Variants in CPA6 observed in about 807,000 individuals in gnomAD.
CPA6 encodes carboxypeptidase B.
A neutral mutation model predicts 63.3 loss-of-function variants in CPA6; 58 were observed. That is an observed-to-expected ratio of 0.92 (90% CI 0.74 to 1.14). The LOEUF is 1.14. CPA6 is among the 50% of genes most tolerant of loss of function. The pLI, the probability that CPA6 is intolerant of heterozygous loss-of-function variation, is 0.00. For missense variants in CPA6, 565 were observed against 526.6 expected (o/e 1.07, Z -0.71); for synonymous variants, 185 against 179.0 (o/e 1.03, Z -0.27).
chr8:67,570,148 T>G (rs561558361), intron 2 of CPA6: 1 of 152,414 alleles, frequency 6.6e-6, no homozygotes, highest in East Asian at 1.9e-4. Context: ...GAATTGAAAT[T>G]TGTACTCTTT....
At chr8:67,604,733 T>C (rs945387057) in intron 2 of CPA6, among the ~76,000 whole-genome samples, 8 of 152,176 alleles carry the variant, frequency 5.3e-5, no homozygotes, top group African/African-American at 1.7e-4. Context: ...ATAGGACACG[T>C]GGAGATTAGA....
At chr8:67,574,782 G>GA (rs969074207) in intron 2 of CPA6, among the ~76,000 whole-genome samples, 2 of 148,578 alleles carry the variant, frequency 1.3e-5, no homozygotes, top group South Asian at 2.1e-4. Flanking sequence ...AAAACCACTG[G>GA]AAAAAAACAT....
In CPA6 at chr8:67,746,234, G is replaced by A. The variant is rs1007724929; in HGVS notation, c.-105C>T. The A allele has an allele frequency of 1.4e-5, 10 of 705,532 alleles. No homozygotes were observed. The highest frequency in any genetic ancestry group is 2.3e-5 in the Non-Finnish European group (10 of 435,946). The allele number at this position is 705,532 out of a possible 1,614,324, so 43.7% of individuals were successfully genotyped here. Reference sequence around the variant, plus strand: ...CGCACAGGTTCTCCGGGAAGGGGGTGGGCGAGGAAGGTTGAGAGTGAGCAA... The same window carrying A: ...CGCACAGGTTCTCCGGGAAGGGGGTAGGCGAGGAAGGTTGAGAGTGAGCAA... On this transcript the variant is annotated 5_prime_UTR_variant, in exon 1 of 11. Coordinates refer to ENST00000297770, the MANE Select transcript of CPA6 (RefSeq NM_020361.5).
chr8:67,562,523 CA>C (rs150272836), intron 2 of CPA6, among the ~76,000 whole-genome samples: 2,175 of 152,292 alleles, frequency 0.014, 49 homozygotes, highest in African/African-American at 0.048. Flanking sequence ...GTTCTACGTA[CA>C]GTTGGTACTA....
At chr8:67,434,521 T>C (rs922886263) in intron 8 of CPA6, among the ~76,000 whole-genome samples, 1 of 152,242 alleles carries the variant, frequency 6.6e-6, no homozygotes, top group Non-Finnish European at 1.5e-5. Flanking sequence ...CTGTCACTTC[T>C]AGCTGCACCT....
chr8:67,713,991 C>T (rs147699659), intron 1 of CPA6, among the ~76,000 whole-genome samples: 81 of 152,110 alleles, frequency 5.3e-4, no homozygotes, highest in Non-Finnish European at 6.9e-4. Context: ...TCTGGTTTTA[C>T]GTAAACTCCA....
At chr8:67,477,296 A>C (rs1479848322) in intron 8 of CPA6, among the ~76,000 whole-genome samples, 4 of 151,026 alleles carry the variant, frequency 2.6e-5, no homozygotes, top group African/African-American at 9.7e-5. Flanking sequence ...TCTCAAAAAA[A>C]AAAAAAAAAA....
intron 1 of CPA6, among the ~76,000 whole-genome samples, chr8:67,669,053 G>A (rs4737848): frequency 6.6e-6 from 1 of 152,192 alleles, no homozygotes; most frequent in East Asian, 1.9e-4. Context: ...AGAATCACTC[G>A]CGGGTCAATG....
intron 1 of CPA6, among the ~76,000 whole-genome samples, chr8:67,659,592 G>C (rs1177150917): frequency 1.3e-5 from 2 of 152,104 alleles, no homozygotes; most frequent in Non-Finnish European, 2.9e-5. Flanking sequence ...CTGGCGCTTG[G>C]ATTATTATTG....
At chr8:67,438,781 G>A (rs1265601130) in intron 8 of CPA6, among the ~76,000 whole-genome samples, 5 of 151,746 alleles carry the variant, frequency 3.3e-5, no homozygotes, top group African/African-American at 9.7e-5. Context: ...TAAAGAGGGA[G>A]GTGGGCAGGG....
At chr8:67,614,827 T>TA (rs906062349) in intron 2 of CPA6, among the ~76,000 whole-genome samples, 2 of 152,154 alleles carry the variant, frequency 1.3e-5, no homozygotes, top group African/African-American at 2.4e-5. Context: ...GGCCACTGAA[T>TA]AAAAACCTGG....
At chr8:67,624,402 T>C (rs2128987007) in intron 1 of CPA6, 151 bp from the exon 2 acceptor site, 1 of 514,638 alleles carries the variant, frequency 1.9e-6, no homozygotes, top group East Asian at 3.1e-5. Flanking sequence ...TCCAATTTAT[T>C]CTCTGATTGC....
chr8:67,629,615 T>C (rs6998443), intron 1 of CPA6, among the ~76,000 whole-genome samples: 55,693 of 152,034 alleles, frequency 0.37, 11,688 homozygotes, highest in African/African-American at 0.59. Flanking sequence ...GAATCTGTGA[T>C]GGATAGCGGT....
chr8:67,452,775 T>A (rs1264298707), intron 8 of CPA6: 1 of 152,170 alleles, frequency 6.6e-6, no homozygotes, highest in Non-Finnish European at 1.5e-5. Flanking sequence ...TGGGTTGCAA[T>A]GATAGAGATG....
intron 2 of CPA6, among the ~76,000 whole-genome samples, chr8:67,599,437 G>C (rs1814435275): frequency 1.3e-5 from 2 of 151,986 alleles, no homozygotes; most frequent in Admixed American, 6.6e-5. Context: ...TCCTCCCTGG[G>C]GTTGCCTTCC....
chr8:67,606,618 G>T (rs962990442), intron 2 of CPA6, among the ~76,000 whole-genome samples: 3 of 152,198 alleles, frequency 2.0e-5, no homozygotes, highest in African/African-American at 7.2e-5. Context: ...GGAATGCAGA[G>T]GTGTGCGATC....
rs151253703 is a variant in CPA6, at chr8:67,536,394, C to T, written c.193-18347G>A. Among the ~76,000 whole-genome samples, 317 of 152,218 alleles carry T rather than the reference C, an allele frequency of 2.1e-3. 5 individuals carry two copies. The East Asian group carries it at 0.043, about 21-fold the overall frequency. On this transcript the variant is annotated intron_variant, in intron 2 of 10. Transcript: ENST00000297770. Reference sequence around the variant, plus strand: ...CCTTGAGCATTGGTTTGCAGTTCTCCTTGAAGAGGTCCTTCACATCCCTTG... The same window carrying T: ...CCTTGAGCATTGGTTTGCAGTTCTCTTTGAAGAGGTCCTTCACATCCCTTG...
chr8:67,555,746 T>C (rs760268994), intron 2 of CPA6, among the ~76,000 whole-genome samples: 1 of 152,184 alleles, frequency 6.6e-6, no homozygotes, highest in East Asian at 1.9e-4. Flanking sequence ...CTCTGCTAAC[T>C]CTGGGTGTTA....
intron 1 of CPA6, among the ~76,000 whole-genome samples, chr8:67,731,019 A>G (rs1183670505): frequency 6.6e-6 from 1 of 152,260 alleles, no homozygotes; most frequent in African/African-American, 2.4e-5. Flanking sequence ...CTGGGTGACC[A>G]TGCTGATTTT....
Sources: allele counts gnomAD v4.1 joint callset (sites outside exome capture counted in the v4.1 genomes callset), GRCh38; gene constraint gnomAD v4.1.1; transcripts MANE v1.5; gene names NCBI Gene and HGNC (gene_info 2026-07-23, HGNC 2026-07-21).